ZNF135: variants seen among roughly 807,000 people sequenced by gnomAD.
The protein encoded by ZNF135 is zinc finger protein 135 (clone pHZ-17).
A neutral mutation model predicts 12.3 loss-of-function variants in ZNF135; 11 were observed. The observed-to-expected ratio is 0.89, with a 90% CI of 0.56 to 1.48. The LOEUF (loss-of-function observed/expected upper bound fraction) is 1.48. ZNF135 is among the 40% of genes most tolerant of loss of function. ZNF135 has a pLI of 0.00. For synonymous variants in ZNF135, 316 were observed against 312.0 expected, an observed-to-expected ratio of 1.01 and a Z score of -0.14; for missense variants, 722 against 815.7, an observed-to-expected ratio of 0.89 and a Z score of 1.40.
Position 58,068,013 on chromosome 19 carries a change from C to A in ZNF135, c.1529C>A (p.Thr510Asn). Residue 510 changes from threonine to asparagine, a missense_variant, in exon 5 of 5, where the codon ACC becomes AAC. Transcript: ENST00000313434. ...GKAFSHSSSL[T>N]KHQRIHTGEK... ...GCATTCAGTCACAGCTCGTCCCTCA[C>A]CAAACATCAGCGAATCCACACTGGG... 6.2e-7 allele frequency: 1 copy of A among 1,614,006 alleles called. No individual in the cohort carries two copies. Among genetic ancestry groups the A allele is most frequent in the Non-Finnish European group, 8.5e-7 (1 of 1,180,006 alleles).
Position 58,061,562 on chromosome 19 carries a change from A to C in ZNF135, c.34-18A>C. ...TGCCAGGGTTGGCTTGGCTGAGGAC[A>C]CTCGTGTGATGTTTCAGGAGCAAGT... is the stretch of plus-strand genomic sequence containing the variant. On this transcript the variant is annotated intron_variant, in intron 2 of 4. Transcript: ENST00000313434. 6.2e-7 allele frequency: 1 copy of C among 1,607,186 alleles called. No homozygotes were observed. Among genetic ancestry groups the C allele is most frequent in the South Asian group, 1.1e-5 (1 of 89,982 alleles).
chr19:58,067,763 G>A lies in ZNF135; in HGVS notation c.1279G>A (p.Glu427Lys), dbSNP rs372909881. ...CTTCAGTCAGAGCACACTCCTGACC[G>A]AGCATCGGAGGATTCACACAGGAGA... is the stretch of plus-strand genomic sequence containing the variant. ...KAFSQSTLLT[E>K]HRRIHTGEKP... The change falls in exon 5 of 5, where the codon GAG becomes AAG. Residue 427 changes from glutamate (E) to lysine (K), a missense_variant. Physicochemically the swap from Glu to Lys is moderately conservative, Grantham distance 56. Transcript: ENST00000313434. 188 of 1,613,282 alleles carry A rather than the reference G, an allele frequency of 1.2e-4. No homozygotes were observed. Among genetic ancestry groups the A allele is most frequent in the Non-Finnish European group, 5.1e-5 (60 of 1,179,838 alleles).
In ZNF135 at chr19:58,067,898, G is replaced by A. The variant is rs2074103558; in HGVS notation, c.1414G>A (p.Gly472Arg). The change falls in exon 5 of 5, where the codon GGG becomes AGG. Residue 472 changes from glycine to arginine, a missense_variant. Transcript: ENST00000313434. ...GAAGCCCTATGAGTGCAGTCAGTGT[G>A]GGAAGGCCTTCCGGCAGAGCACACA... The part of the protein sequence containing the change: ...GEKPYECSQC[G>R]KAFRQSTHLT... 1 of 1,612,836 alleles carries A rather than the reference G, an allele frequency of 6.2e-7. No homozygotes were observed. Among genetic ancestry groups the A allele is most frequent in the African/African-American group, 1.3e-5 (1 of 74,546 alleles).
intron 4 of ZNF135, among the ~76,000 whole-genome samples, chr19:58,064,235 G>A (rs1366846323): frequency 6.6e-6 from 1 of 151,996 alleles, no homozygotes; most frequent in African/African-American, 2.4e-5. Context: ...TGTGGGAAAG[G>A]GTCACAGTAG....
At position 58,067,989 on chromosome 19, in the gene ZNF135, C is replaced by G. The variant is rs368978856; in HGVS notation, c.1505C>G (p.Ala502Gly). The G allele has an allele frequency of 1.5e-5, 24 of 1,613,884 alleles. No homozygotes were observed. The highest frequency in any genetic ancestry group is 4.0e-5 in the African/African-American group (3 of 74,864). The change falls in exon 5 of 5, where the codon GCA becomes GGA. Residue 502 changes from alanine (A) to glycine (G), a missense_variant. By Grantham distance (60) the Ala-to-Gly change is moderately conservative. Coordinates refer to ENST00000313434, the MANE Select transcript of ZNF135 (RefSeq NM_001289401.2). The part of the protein sequence containing the change: ...KPYECNDCGK[A>G]FSHSSSLTKH... ...TATGAATGCAATGACTGCGGCAAGG[C>G]ATTCAGTCACAGCTCGTCCCTCACC...
rs2074117608 is a variant in ZNF135, at chr19:58,068,467, C to G, written c.*6C>G. 1 of 1,612,324 alleles carries G rather than the reference C, an allele frequency of 6.2e-7. No individual in the cohort carries two copies. The highest frequency in any genetic ancestry group is 8.5e-7 in the Non-Finnish European group (1 of 1,179,028). ...AGAGAACTCACACTGGATAAACCCA[C>G]TCCACATGTGCTGGGGACATAGGAA... is the stretch of plus-strand genomic sequence containing the variant. On this transcript the variant is annotated 3_prime_UTR_variant, in exon 5 of 5. Coordinates refer to ENST00000313434, the MANE Select transcript of ZNF135 (RefSeq NM_001289401.2).
At chr19:58,061,096 C>T (rs1006128770) in intron 2 of ZNF135, among the ~76,000 whole-genome samples, 3 of 150,770 alleles carry the variant, frequency 2.0e-5, no homozygotes, top group East Asian at 4.0e-4. Flanking sequence ...CCACTGCACT[C>T]TAGCCTGGGC....
In ZNF135 at chr19:58,061,657, C is replaced by G. The variant is rs1261775511; in HGVS notation, c.111C>G (p.Thr37=). ...GGCAGCTGAAGCCTGCCCAGAGGAC[C>G]CTGTACCGTGATGTAATGCTGGACA... ...EWGQLKPAQR[T]LYRDVMLDTF... Residue 37 remains threonine, a synonymous_variant, in exon 3 of 5, where the codon ACC becomes ACG. Coordinates refer to ENST00000313434, the MANE Select transcript of ZNF135 (RefSeq NM_001289401.2). The G allele has an allele frequency of 3.1e-6, 5 of 1,613,484 alleles. No individual in the cohort carries two copies. Among genetic ancestry groups the G allele is most frequent in the African/African-American group, 1.3e-5 (1 of 74,958 alleles).
rs534372632 is a variant in ZNF135, at chr19:58,059,867, C to T, written c.-34-102C>T. The stretch of plus-strand genomic sequence containing the variant: ...TTAAACGGGTACGCGGGGCCCTGGA[C>T]GGCTCTCCGCGGAGCTCCCCAGGCT... On this transcript the variant is annotated intron_variant, in intron 1 of 4. Transcript: ENST00000313434. The surrounding 1 kb of genome is among the most constrained non-coding windows in gnomAD (Gnocchi z 6.5). 1.1e-4 allele frequency: 152 copies of T among 1,411,666 alleles called. 1 individual carries two copies. In the East Asian group the frequency reaches 3.5e-3, roughly 32 times the overall value. 87.4% of individuals were successfully genotyped at this position (1,411,666 alleles called of 1,614,324 possible).
In ZNF135 at chr19:58,060,484, T is replaced by C; in HGVS notation, c.33+449T>C. On this transcript the variant is annotated intron_variant, in intron 2 of 4. Transcript: ENST00000313434. The surrounding 1 kb of genome is among the most constrained non-coding windows in gnomAD (Gnocchi z 4.9). ...CCTGAGGCTGGGTGATGTCAGAAAA[T>C]TGTAGGTGCCCCGGCTCTGCAGTCT... The C allele has an allele frequency of 1.9e-6, 2 of 1,042,460 alleles. No homozygotes were observed. Among genetic ancestry groups the C allele is most frequent in the Middle Eastern group, 4.6e-4 (1 of 2,166 alleles). The allele number at this position is 1,042,460 out of a possible 1,614,324, so 64.6% of individuals were successfully genotyped here. A position where few individuals can be genotyped will look rare whatever the true frequency, so the allele number is the denominator to read the frequency against.
rs79681058 is a variant in ZNF135 at position 58,059,955 on chromosome 19, C to G, written c.-34-14C>G. ...CTCTGCCTGCCCCAGCTGCTCACCT[C>G]CCCTTTCCCACAGAGCAGGGCCAGC... On this transcript the variant is annotated splice_polypyrimidine_tract_variant and intron_variant, in intron 1 of 4. Transcript: ENST00000313434. The surrounding 1 kb of genome is among the most constrained non-coding windows in gnomAD (Gnocchi z 6.5). 6.2e-7 allele frequency: 1 copy of G among 1,612,252 alleles called. No individual in the cohort carries two copies. The highest frequency in any genetic ancestry group is 1.7e-5 in the Admixed American group (1 of 59,992).
Position 58,066,872 on chromosome 19 carries a change from G to A in ZNF135, c.388G>A (p.Glu130Lys). The stretch of plus-strand genomic sequence containing the variant: ...GTGGTACTGCAGGGGTGAGGACACT[G>A]AGGGCCACTGGGAATGGAGTTGTGA... ...GLWYCRGEDTEGHWEWSCESL... is the reference protein window; with the variant it reads ...GLWYCRGEDTKGHWEWSCESL... Residue 130 changes from glutamate to lysine, a missense_variant, in exon 5 of 5, where the codon GAG becomes AAG. Transcript: ENST00000313434. 2 of 1,614,236 alleles carry A rather than the reference G, an allele frequency of 1.2e-6. No individual in the cohort carries two copies. Among genetic ancestry groups the A allele is most frequent in the Non-Finnish European group, 1.7e-6 (2 of 1,180,042 alleles).
chr19:58,062,549 A>AT lies in ZNF135; in HGVS notation c.160+858dup, dbSNP rs35708367. On this transcript the variant is annotated intron_variant, in intron 3 of 4. Transcript: ENST00000313434. ...AGGTGCCCACCACCACGCCTGGCTA[A>AT]TTTTTTTTTTTTTTTGTATATTTAG... is the stretch of plus-strand genomic sequence containing the variant. Among the ~76,000 whole-genome samples, 279 of 143,580 alleles carry AT rather than the reference A, an allele frequency of 1.9e-3. 1 individual carries two copies. In the Middle Eastern group the frequency reaches 0.022, roughly 11 times the overall value. 94.2% of individuals were successfully genotyped at this position (143,580 alleles called of 152,430 possible).
rs775548806 is a variant in ZNF135, at chr19:58,067,530, C to A, written c.1046C>A (p.Thr349Asn). The change falls in exon 5 of 5, where the codon ACT becomes AAT. Residue 349 changes from threonine to asparagine, a missense_variant. Physicochemically the swap from Thr to Asn is moderately conservative, Grantham distance 65. Transcript: ENST00000313434. ...CTCACCCAGCATCTGCGAATCCACA[C>A]TGGGGAGAAACCCTATCAGTGTGGT... The part of the protein sequence containing the change: ...IHLTQHLRIH[T>N]GEKPYQCGEC... The A allele has an allele frequency of 1.2e-6, 2 of 1,613,856 alleles. No individual in the cohort carries two copies. Among genetic ancestry groups the A allele is most frequent in the African/African-American group, 1.3e-5 (1 of 74,842 alleles).
Position 58,068,474 on chromosome 19 carries a change from T to C in ZNF135, c.*13T>C. The C allele has an allele frequency of 1.2e-6, 2 of 1,610,910 alleles. No homozygotes were observed. Among genetic ancestry groups the C allele is most frequent in the Non-Finnish European group, 8.5e-7 (1 of 1,178,116 alleles). ...TCACACTGGATAAACCCACTCCACA[T>C]GTGCTGGGGACATAGGAAGACCTTA... is the stretch of plus-strand genomic sequence containing the variant. On this transcript the variant is annotated 3_prime_UTR_variant, in exon 5 of 5. Coordinates refer to ENST00000313434, the MANE Select transcript of ZNF135 (RefSeq NM_001289401.2).
Position 58,066,576 on chromosome 19 carries a change from TCTTC to T in ZNF135, c.257-161_257-158del, listed in dbSNP as rs531999490. 353 of 860,140 alleles carry T rather than the reference TCTTC, an allele frequency of 4.1e-4. 1 individual carries two copies. The highest frequency in any genetic ancestry group is 2.6e-3 in the South Asian group (140 of 53,988). The allele number at this position is 860,140 out of a possible 1,614,324, so 53.3% of individuals were successfully genotyped here. A position where few individuals can be genotyped will look rare whatever the true frequency, so the allele number is the denominator to read the frequency against. The stretch of plus-strand genomic sequence containing the variant: ...CTCTTCCTTATTCTGTGTTTCCCTC[TCTTC>T]CTTTCCTGGTTTGCAAAACTATATT... On this transcript the variant is annotated intron_variant, in intron 4 of 4. Transcript: ENST00000313434.
rs2074089840 is a variant in ZNF135 at position 58,067,370 on chromosome 19, A to G, written c.886A>G (p.Lys296Glu). 1 of 1,614,050 alleles carries G rather than the reference A, an allele frequency of 6.2e-7. No individual in the cohort carries two copies. The highest frequency in any genetic ancestry group is 1.3e-5 in the African/African-American group (1 of 74,934). ...IQHQRTHTGE[K>E]PYECSECGKS... Reference sequence around the variant, plus strand: ...GCACCAGAGAACTCACACAGGTGAGAAGCCCTATGAATGCAGCGAATGTGG... The same window carrying G: ...GCACCAGAGAACTCACACAGGTGAGGAGCCCTATGAATGCAGCGAATGTGG... Residue 296 changes from lysine to glutamate, a missense_variant, in exon 5 of 5, where the codon AAG becomes GAG. Physicochemically the swap from Lys to Glu is moderately conservative, Grantham distance 56 (BLOSUM62 1). Coordinates refer to ENST00000313434, the MANE Select transcript of ZNF135 (RefSeq NM_001289401.2).
Position 58,059,770 on chromosome 19 carries a change from T to A in ZNF135, c.-34-199T>A. 1 of 635,362 alleles carries A rather than the reference T, an allele frequency of 1.6e-6. No individual in the cohort carries two copies. Among genetic ancestry groups the A allele is most frequent in the South Asian group, 2.1e-5 (1 of 47,578 alleles). The allele number at this position is 635,362 out of a possible 1,614,324, so 39.4% of individuals were successfully genotyped here. On this transcript the variant is annotated intron_variant, in intron 1 of 4. Coordinates refer to ENST00000313434, the MANE Select transcript of ZNF135 (RefSeq NM_001289401.2). This position sits in a 1 kb window ranked among gnomAD's most constrained non-coding sequence, Gnocchi z 6.5. ...GTCCGCACCCGCCAGGCCTTCAGCT[T>A]CCCTCAGACAGGCGGGAAAACCCTA...
rs777287989 is a variant in ZNF135 at position 58,061,563 on chromosome 19, C to A, written c.34-17C>A. ...GCCAGGGTTGGCTTGGCTGAGGACACTCGTGTGATGTTTCAGGAGCAAGTG... is the reference window on the plus strand; with the variant it reads ...GCCAGGGTTGGCTTGGCTGAGGACAATCGTGTGATGTTTCAGGAGCAAGTG... On this transcript the variant is annotated splice_polypyrimidine_tract_variant and intron_variant, in intron 2 of 4. Transcript: ENST00000313434. 2 of 1,609,580 alleles carry A rather than the reference C, an allele frequency of 1.2e-6. No homozygotes were observed. Among genetic ancestry groups the A allele is most frequent in the Non-Finnish European group, 1.7e-6 (2 of 1,177,940 alleles).
Sources: allele counts gnomAD v4.1 joint callset (sites outside exome capture counted in the v4.1 genomes callset), GRCh38; gene constraint gnomAD v4.1.1; non-coding constraint Gnocchi (gnomAD v3.1); transcripts MANE v1.5; gene names NCBI Gene and HGNC (gene_info 2026-07-23, HGNC 2026-07-21).